The following CAMTA1 variants were observed in gnomAD, a reference collection of about 807,000 sequenced individuals.
The protein encoded by CAMTA1 is calmodulin binding transcription activator 1.
CAMTA1 carries 27 observed loss-of-function variants against 170.9 expected under a neutral mutation model. The observed-to-expected ratio is 0.16, with a 90% CI of 0.12 to 0.22. The LOEUF is 0.22. CAMTA1 is among the 10% of genes least tolerant of loss of function. CAMTA1 has a pLI of 1.00. For synonymous variants in CAMTA1, 833 were observed against 891.5 expected (o/e 0.93, Z 1.17); for missense variants, 1,619 against 2,217.2 (o/e 0.73, Z 5.42).
At chr1:7,117,514 C>T (rs1644402554) in intron 4 of CAMTA1, among the ~76,000 whole-genome samples, 1 of 152,000 alleles carries the variant, frequency 6.6e-6, no homozygotes, top group African/African-American at 2.4e-5. Context: ...TACCAGTTTC[C>T]ATGGGGTAAC....
intron 11 of CAMTA1, among the ~76,000 whole-genome samples, chr1:7,730,396 C>T (rs1395145449): frequency 1.3e-5 from 2 of 152,148 alleles, no homozygotes; most frequent in African/African-American, 4.8e-5. Flanking sequence ...TATTACCAGG[C>T]CTCAGTTCTG....
intron 3 of CAMTA1, among the ~76,000 whole-genome samples, chr1:6,905,437 C>T (rs1678216095): frequency 1.3e-5 from 2 of 152,056 alleles, no homozygotes; most frequent in African/African-American, 4.8e-5. Flanking sequence ...TCAGGTGATC[C>T]ACCTGCTTCG....
At chr1:6,910,083 A>G (rs150245026) in intron 3 of CAMTA1, among the ~76,000 whole-genome samples, 3 of 152,308 alleles carry the variant, frequency 2.0e-5, no homozygotes, top group East Asian at 1.9e-4. Context: ...GGCTTTATCT[A>G]TATATTGACT....
chr1:7,601,637 C>T (rs1347914648), intron 6 of CAMTA1, among the ~76,000 whole-genome samples: 2 of 152,240 alleles, frequency 1.3e-5, no homozygotes, highest in East Asian at 1.9e-4. Flanking sequence ...CCACTGCACT[C>T]CAGCCTGGGC....
intron 3 of CAMTA1, among the ~76,000 whole-genome samples, chr1:6,914,121 T>TTTTTTTGG (rs1680275823): frequency 1.3e-5 from 2 of 148,842 alleles, no homozygotes; most frequent in African/African-American, 2.5e-5. Context: ...TTTTTTTTTT[T>TTTTTTTGG]GAGATAGAGT....
rs561736699 is a variant in CAMTA1 at position 7,548,853 on chromosome 1, C to T, written c.510+80952C>T. On this transcript the variant is annotated intron_variant, in intron 6 of 22. Coordinates refer to ENST00000303635, the MANE Select transcript of CAMTA1 (RefSeq NM_015215.4). ...TGGAGGTGCCCGTGGAGGGTGCCCC[C>T]TTAGGGGTGGAGGTGCTGGTGGAGG... Among the ~76,000 whole-genome samples, 306 of 115,942 alleles carry T rather than the reference C, an allele frequency of 2.6e-3. 10 individuals carry two copies. The highest frequency in any genetic ancestry group is 8.4e-3 in the African/African-American group (293 of 34,772). The allele number at this position is 115,942 out of a possible 152,430, so 76.1% of individuals were successfully genotyped here. A position where few individuals can be genotyped will look rare whatever the true frequency, so the allele number is the denominator to read the frequency against.
intron 6 of CAMTA1, among the ~76,000 whole-genome samples, chr1:7,551,283 A>G (rs1048751446): frequency 7.4e-6 from 1 of 134,924 alleles, no homozygotes; most frequent in East Asian, 3.2e-4. Context: ...GGGCCAAAGG[A>G]CATGTGTGCG....
chr1:6,974,610 C>T (rs2149600609), intron 3 of CAMTA1, among the ~76,000 whole-genome samples: 1 of 152,290 alleles, frequency 6.6e-6, no homozygotes, highest in East Asian at 1.9e-4. Flanking sequence ...GTTGGTCGGG[C>T]AGGGAGGCTG....
intron 1 of CAMTA1, among the ~76,000 whole-genome samples, chr1:6,789,804 CTTTTTTTTTTTT>C (rs34542033): frequency 0.16 from 13,573 of 86,618 alleles, 1,232 homozygotes; most frequent in Admixed American, 0.39. Flanking sequence ...TTTAGTGTAT[CTTTTTTTTTTTT>C]TTTTTTTTTT....
intron 3 of CAMTA1, among the ~76,000 whole-genome samples, chr1:6,866,897 C>T (rs1361597752): frequency 1.3e-5 from 2 of 152,122 alleles, no homozygotes; most frequent in Non-Finnish European, 2.9e-5. Flanking sequence ...CTTTTATTGT[C>T]TCATGTAACA....
intron 3 of CAMTA1, among the ~76,000 whole-genome samples, chr1:6,885,826 C>G (rs1373600033): frequency 6.6e-6 from 1 of 152,164 alleles, no homozygotes; most frequent in African/African-American, 2.4e-5. Context: ...TGTGTGGACA[C>G]TCTTTCTGTC....
At chr1:7,454,640 G>C (rs2092908567) in intron 5 of CAMTA1, among the ~76,000 whole-genome samples, 1 of 152,148 alleles carries the variant, frequency 6.6e-6, no homozygotes, top group Non-Finnish European at 1.5e-5. Context: ...TTCTCTGCCT[G>C]ATCAGGGAGG....
intron 3 of CAMTA1, among the ~76,000 whole-genome samples, chr1:6,886,888 C>T (rs1053326557): frequency 2.0e-5 from 3 of 152,184 alleles, no homozygotes; most frequent in African/African-American, 7.2e-5. Flanking sequence ...AGTCATCTTT[C>T]ACTTGTTAGG....
chr1:6,889,931 T>C (rs1013873478), intron 3 of CAMTA1, among the ~76,000 whole-genome samples: 6 of 152,224 alleles, frequency 3.9e-5, no homozygotes, highest in African/African-American at 1.4e-4. Flanking sequence ...ATTGAAAATT[T>C]TGACCAGCAA....
At chr1:7,414,351 A>G (rs2091003608) in intron 5 of CAMTA1, among the ~76,000 whole-genome samples, 2 of 152,094 alleles carry the variant, frequency 1.3e-5, no homozygotes, top group African/African-American at 4.8e-5. Context: ...TCCTCCTTGT[A>G]CCTCTGGTAG....
Position 7,751,412 on chromosome 1 carries a change from T to G in CAMTA1, c.4883+20T>G. 1 of 1,560,100 alleles carries G rather than the reference T, an allele frequency of 6.4e-7. No homozygotes were observed. Among genetic ancestry groups the G allele is most frequent in the Non-Finnish European group, 8.6e-7 (1 of 1,158,126 alleles). On this transcript the variant is annotated intron_variant, in intron 20 of 22. Transcript: ENST00000303635. ...ACTCAGGTGGGTGGAGAAGAGCTCA[T>G]GGAGGTAAAGCTCCCTAGGGAAGAG...
At chr1:6,820,827 C>T (rs1646406568) in intron 2 of CAMTA1, among the ~76,000 whole-genome samples, 1 of 152,188 alleles carries the variant, frequency 6.6e-6, no homozygotes, top group South Asian at 2.1e-4. Context: ...TTTACTTAAT[C>T]ACATGTACCT....
intron 6 of CAMTA1, among the ~76,000 whole-genome samples, chr1:7,553,218 A>C (rs1044768506): frequency 1.4e-5 from 1 of 71,390 alleles, no homozygotes; most frequent in Non-Finnish European, 4.2e-5. Context: ...TGAATAAGTG[A>C]GTGAATGAAT....
chr1:7,059,064 G>A (rs549159524), intron 3 of CAMTA1, among the ~76,000 whole-genome samples: 1 of 152,284 alleles, frequency 6.6e-6, no homozygotes, highest in East Asian at 1.9e-4. Flanking sequence ...GCCACCATCC[G>A]GGTTCCTGGG....
Sources: gnomAD v4.1 joint callset for allele counts (sites outside exome capture counted in the v4.1 genomes callset) on GRCh38, gnomAD v4.1.1 for gene constraint, MANE v1.5 for transcripts, NCBI Gene and HGNC (gene_info 2026-07-23, HGNC 2026-07-21) for gene names.